FHIP1A: variants seen among roughly 807,000 people sequenced by gnomAD.
FHIP1A encodes the protein FHF complex subunit HOOK-interacting protein 1A.
A neutral mutation model predicts 88.6 loss-of-function variants in FHIP1A; 61 were observed. The observed-to-expected ratio is 0.69, with a 90% CI of 0.56 to 0.85. The LOEUF is 0.85. Ranked by LOEUF, FHIP1A falls within the 40% of genes least tolerant of loss-of-function variation. The pLI is 0.00. For missense variants in FHIP1A, 1,154 were observed against 1,273.5 expected (o/e 0.91, Z 1.43); for synonymous variants, 478 against 496.0 (o/e 0.96, Z 0.48).
chr4:151,499,660 T>C (rs1034697932), intron 3 of FHIP1A, among the ~76,000 whole-genome samples: 8 of 152,072 alleles, frequency 5.3e-5, no homozygotes, highest in East Asian at 1.9e-4. Context: ...AAGGAAGAGG[T>C]TTAATTAACT....
At chr4:151,594,050 C>G (rs181008579) in intron 7 of FHIP1A, among the ~76,000 whole-genome samples, 1 of 152,138 alleles carries the variant, frequency 6.6e-6, no homozygotes, top group Non-Finnish European at 1.5e-5. Flanking sequence ...TCTGTTTATG[C>G]GATGGATTAG....
At chr4:151,533,100 A>T (rs1229483566) in intron 3 of FHIP1A, 1 of 152,262 alleles carries the variant, frequency 6.6e-6, no homozygotes. Flanking sequence ...TTAGCTGTGG[A>T]GAGAGATCTG....
Position 151,636,907 on chromosome 4 carries a change from A to T in FHIP1A, c.1147-1770A>T, listed in dbSNP as rs188892144. ...AGAAACAAGTTGGAGGACTCACCGT[A>T]CCTGGTTTCAAAACTTTCTACAAAG... On this transcript the variant is annotated intron_variant, in intron 8 of 13. Transcript: ENST00000435205. 1.3e-3 allele frequency among the ~76,000 whole-genome samples: 195 copies of T among 152,266 alleles called. 1 individual carries two copies. Among genetic ancestry groups the T allele is most frequent in the Non-Finnish European group, 2.4e-3 (161 of 67,986 alleles).
chr4:151,611,456 A>G (rs1030191067), intron 7 of FHIP1A, among the ~76,000 whole-genome samples: 4 of 152,224 alleles, frequency 2.6e-5, no homozygotes, highest in Non-Finnish European at 4.4e-5. Flanking sequence ...TGCTCTCTAT[A>G]TGTAGAAATG....
intron 3 of FHIP1A, among the ~76,000 whole-genome samples, chr4:151,491,175 C>G (rs1196874359): frequency 6.6e-6 from 1 of 152,046 alleles, no homozygotes. Context: ...AGATCATGAT[C>G]TAGGCACATA....
chr4:151,646,513 C>G, intron 9 of FHIP1A, 45 bp from the exon 10 acceptor site: 5 of 1,402,748 alleles, frequency 3.6e-6, no homozygotes, highest in Middle Eastern at 2.3e-4. Context: ...AGTAATGGTT[C>G]AAGACATTGC....
At chr4:151,455,189 A>G (rs920174471) in intron 2 of FHIP1A, among the ~76,000 whole-genome samples, 1 of 152,230 alleles carries the variant, frequency 6.6e-6, no homozygotes, top group Non-Finnish European at 1.5e-5. Flanking sequence ...ATTTTTCTTC[A>G]TGCAGTTTGT....
In FHIP1A at chr4:151,516,148, A is replaced by G. The variant is rs927795015; in HGVS notation, c.-123+33500A>G. On this transcript the variant is annotated intron_variant, in intron 3 of 13. Coordinates refer to ENST00000435205, the MANE Select transcript of FHIP1A (RefSeq NM_001109977.3). The stretch of plus-strand genomic sequence containing the variant: ...ACAGAGCCCTCAGAAATAACGCCGC[A>G]TGTCTACAACTGTTTGATCTTTGAC... Among the ~76,000 whole-genome samples the G allele has an allele frequency of 1.2e-4, 18 of 152,348 alleles. No homozygotes were observed. In the East Asian group the frequency reaches 1.3e-3, roughly 11 times the overall value.
At chr4:151,443,231 G>A (rs907159192) in intron 1 of FHIP1A, among the ~76,000 whole-genome samples, 8 of 152,116 alleles carry the variant, frequency 5.3e-5, no homozygotes, top group African/African-American at 1.9e-4. Flanking sequence ...CCAGGAGTTC[G>A]AGGTTGCTGT....
intron 8 of FHIP1A, 80 bp downstream of exon 8, chr4:151,629,949 A>T (rs1736094455): frequency 5.1e-6 from 6 of 1,177,336 alleles, no homozygotes; most frequent in Non-Finnish European, 7.1e-6. Context: ...TGAAATTATG[A>T]ATATTCTCTT....
rs562180697 is a variant in FHIP1A, at chr4:151,662,616, C to T, written c.2985C>T (p.Asn995=). 6.4e-7 allele frequency: 1 copy of T among 1,551,674 alleles called. No homozygotes were observed. The highest frequency in any genetic ancestry group is 8.7e-7 in the Non-Finnish European group (1 of 1,146,990). ...CCAAGGTGGCTGAGGCACCCCCCAA[C>T]CTGCCCCTGCCGGTGAGGAACCCCA... The part of the protein sequence containing the change: ...HRTKVAEAPP[N]LPLPVRNPML... Residue 995 remains asparagine, a synonymous_variant, in exon 14 of 14, where the codon AAC becomes AAT. Transcript: ENST00000435205.
At chr4:151,575,466 C>T (rs962048956) in intron 4 of FHIP1A, among the ~76,000 whole-genome samples, 2 of 152,002 alleles carry the variant, frequency 1.3e-5, no homozygotes, top group African/African-American at 4.8e-5. Flanking sequence ...TCCTGGAGGG[C>T]TTGGTGGAGG....
At chr4:151,474,468 G>T (rs937478465) in intron 2 of FHIP1A, among the ~76,000 whole-genome samples, 6 of 152,200 alleles carry the variant, frequency 3.9e-5, no homozygotes, top group South Asian at 4.1e-4. Flanking sequence ...GTGAAATTTT[G>T]TTTTTCGCTT....
intron 7 of FHIP1A, among the ~76,000 whole-genome samples, chr4:151,596,367 G>GT (rs913742552): frequency 6.6e-6 from 1 of 152,176 alleles, no homozygotes; most frequent in African/African-American, 2.4e-5. Context: ...CCTCTGGCTT[G>GT]TAGGGTTTCT....
intron 3 of FHIP1A, among the ~76,000 whole-genome samples, chr4:151,526,589 C>T (rs1341879537): frequency 1.5e-4 from 21 of 144,526 alleles, no homozygotes; most frequent in African/African-American, 4.1e-4. Flanking sequence ...ACCTCCCGGA[C>T]GGGGCGGCTG....
chr4:151,613,181 T>A (rs138370946), intron 7 of FHIP1A, among the ~76,000 whole-genome samples: 1 of 152,210 alleles, frequency 6.6e-6, no homozygotes, highest in East Asian at 1.9e-4. Context: ...GTAATGGGTC[T>A]TTCCATCCTA....
chr4:151,649,928 AG>A lies in FHIP1A; in HGVS notation c.1890del (p.Ser631ProfsTer3). ...AGAAGAATGCCCTCCTGCTCTTCAA[AG>A]GGTCCTACATAGAAGAGTCGGACTT... is the stretch of plus-strand genomic sequence containing the variant. ...MKKNALLLFKGSYIEESDFQD... is the reference protein window; with the variant it reads ...MKKNALLLFKXSYIEESDFQD... On this transcript the variant is annotated frameshift_variant, in exon 11 of 14. Coordinates refer to ENST00000435205, the MANE Select transcript of FHIP1A (RefSeq NM_001109977.3). LOFTEE classifies it high-confidence loss of function. 1 of 1,551,600 alleles carries A rather than the reference AG, an allele frequency of 6.4e-7. No homozygotes were observed. The highest frequency in any genetic ancestry group is 8.7e-7 in the Non-Finnish European group (1 of 1,146,976).
chr4:151,575,987 A>T (rs1459544107), intron 4 of FHIP1A, among the ~76,000 whole-genome samples: 1 of 152,228 alleles, frequency 6.6e-6, no homozygotes, highest in South Asian at 2.1e-4. Flanking sequence ...ACGGACAAAG[A>T]TAAAGTCATT....
In FHIP1A at chr4:151,533,810, C is replaced by T. The variant is rs1731969947; in HGVS notation, c.-122-32328C>T. Among the ~76,000 whole-genome samples, 5 of 152,296 alleles carry T rather than the reference C, an allele frequency of 3.3e-5. No individual in the cohort carries two copies. In the South Asian group the frequency reaches 1.0e-3, roughly 32 times the overall value. On this transcript the variant is annotated intron_variant, in intron 3 of 13. Coordinates refer to ENST00000435205, the MANE Select transcript of FHIP1A (RefSeq NM_001109977.3). ...CTTGTACTTTCAGCAGTGGATTATGCACAATCAACCGTGATGAATATATGA... is the reference window on the plus strand; with the variant it reads ...CTTGTACTTTCAGCAGTGGATTATGTACAATCAACCGTGATGAATATATGA...
Sources: allele counts gnomAD v4.1 joint callset (sites outside exome capture counted in the v4.1 genomes callset), GRCh38; gene constraint gnomAD v4.1.1; transcripts MANE v1.5; gene names NCBI Gene and HGNC (gene_info 2026-07-23, HGNC 2026-07-21).